The following CHST11 variants were observed in gnomAD, a reference collection of about 807,000 sequenced individuals.
CHST11 encodes carbohydrate sulfotransferase 11, also known as C4S-1.
A neutral mutation model predicts 30.4 loss-of-function variants in CHST11; 9 were observed. The observed-to-expected ratio is 0.30, with a 90% CI of 0.18 to 0.52. The LOEUF (loss-of-function observed/expected upper bound fraction) is 0.52. Among genes scored for constraint, CHST11 ranks in the 20% least tolerant of loss-of-function variants. The pLI, the probability that CHST11 is intolerant of heterozygous loss-of-function variation, is 0.97. For synonymous variants in CHST11, 152 were observed against 187.8 expected (o/e 0.81, Z 1.56); for missense variants, 348 against 460.6 (o/e 0.76, Z 2.24).
At chr12:104,528,469 TG>T (rs147501051) in intron 1 of CHST11, among the ~76,000 whole-genome samples, 92 of 152,316 alleles carry the variant, frequency 6.0e-4, no homozygotes, top group African/African-American at 2.0e-3. Context: ...ACTCTTCATT[TG>T]CAAACGTAGG....
intron 2 of CHST11, among the ~76,000 whole-genome samples, chr12:104,682,744 A>G (rs1242470775): frequency 6.6e-6 from 1 of 152,250 alleles, no homozygotes; most frequent in Non-Finnish European, 1.5e-5. Flanking sequence ...CTGTGAAGCC[A>G]CCTCATTGGG....
intron 2 of CHST11, among the ~76,000 whole-genome samples, chr12:104,730,120 G>A (rs567752026): frequency 1.8e-4 from 27 of 152,324 alleles, no homozygotes; most frequent in Admixed American, 1.2e-3. Context: ...TGTACTCACT[G>A]GTTTGCTTCC....
At chr12:104,717,961 A>G (rs1408129934) in intron 2 of CHST11, among the ~76,000 whole-genome samples, 1 of 152,182 alleles carries the variant, frequency 6.6e-6, no homozygotes, top group Non-Finnish European at 1.5e-5. Flanking sequence ...AAATAAATTA[A>G]TTAATTAAAT....
intron 1 of CHST11, among the ~76,000 whole-genome samples, chr12:104,593,465 C>T (rs2038879557): frequency 6.6e-6 from 1 of 152,218 alleles, no homozygotes; most frequent in South Asian, 2.1e-4. Context: ...TTTCACCTCA[C>T]TGTTTCGAGG....
chr12:104,652,349 G>A (rs891739171), intron 2 of CHST11, among the ~76,000 whole-genome samples: 9 of 152,230 alleles, frequency 5.9e-5, no homozygotes, highest in African/African-American at 1.9e-4. Flanking sequence ...TCCCCGATGA[G>A]TTGAGCCCGT....
At position 104,646,040 on chromosome 12, in the gene CHST11, G is replaced by T. The variant is rs138822429; in HGVS notation, c.204+44049G>T. On this transcript the variant is annotated intron_variant, in intron 2 of 2. Transcript: ENST00000303694. Reference sequence around the variant, plus strand: ...CTCCCCTGATTTCTTTCTGAGTCCCGCATGCAGGATGCTGCCGGCTCAGCC... The same window carrying T: ...CTCCCCTGATTTCTTTCTGAGTCCCTCATGCAGGATGCTGCCGGCTCAGCC... Among the ~76,000 whole-genome samples, 316 of 152,292 alleles carry T rather than the reference G, an allele frequency of 2.1e-3. 2 individuals are homozygous for T. Among genetic ancestry groups the T allele is most frequent in the African/African-American group, 7.2e-3 (301 of 41,558 alleles).
intron 2 of CHST11, among the ~76,000 whole-genome samples, chr12:104,694,412 C>T (rs776570566): frequency 7.9e-5 from 12 of 152,176 alleles, no homozygotes; most frequent in African/African-American, 1.7e-4. Flanking sequence ...CTGCACTGGG[C>T]GCTGCACCAG....
chr12:104,750,709 G>T (rs2040424075), intron 2 of CHST11, among the ~76,000 whole-genome samples: 1 of 151,840 alleles, frequency 6.6e-6, no homozygotes, highest in African/African-American at 2.4e-5. Context: ...CTCCCTAAAT[G>T]TTGGGATTAC....
chr12:104,523,005 C>T (rs933831012), intron 1 of CHST11, among the ~76,000 whole-genome samples: 3 of 152,052 alleles, frequency 2.0e-5, no homozygotes, highest in Admixed American at 1.3e-4. Flanking sequence ...GAAAGGGGGA[C>T]AATTTAAAAA....
intron 2 of CHST11, among the ~76,000 whole-genome samples, chr12:104,669,752 C>G (rs2039673544): frequency 6.6e-6 from 1 of 152,204 alleles, no homozygotes; most frequent in Admixed American, 6.5e-5. Context: ...AGTTTTTCAT[C>G]TGTTAAATGG....
At chr12:104,678,978 C>T (rs867771911) in intron 2 of CHST11, among the ~76,000 whole-genome samples, 3 of 152,092 alleles carry the variant, frequency 2.0e-5, no homozygotes, top group South Asian at 2.1e-4. Context: ...ACAGTCTCGC[C>T]GCTATTTTTA....
At chr12:104,617,093 A>G (rs2039115076) in intron 2 of CHST11, among the ~76,000 whole-genome samples, 1 of 152,188 alleles carries the variant, frequency 6.6e-6, no homozygotes, top group South Asian at 2.1e-4. Context: ...GATGCAGTAA[A>G]TACTCATAAT....
intron 1 of CHST11, among the ~76,000 whole-genome samples, chr12:104,555,173 G>GCCACAT (rs2038443461): frequency 6.6e-6 from 1 of 152,204 alleles, no homozygotes; most frequent in Non-Finnish European, 1.5e-5. Flanking sequence ...CAGGGAGGCA[G>GCCACAT]GTAGCAGTCG....
chr12:104,596,040 A>G (rs10778341), intron 1 of CHST11, among the ~76,000 whole-genome samples: 43,045 of 152,080 alleles, frequency 0.28, 6,242 homozygotes, highest in African/African-American at 0.34. Context: ...GAGGATGAGG[A>G]AGAGCTGGGA....
chr12:104,544,747 T>G (rs1379388020), intron 1 of CHST11, among the ~76,000 whole-genome samples: 1 of 78,536 alleles, frequency 1.3e-5, no homozygotes, highest in South Asian at 6.9e-4. Flanking sequence ...GAGCAGTCAA[T>G]GATGTGCCCT....
chr12:104,460,184 G>A (rs576180998), intron 1 of CHST11, among the ~76,000 whole-genome samples: 1 of 152,296 alleles, frequency 6.6e-6, no homozygotes, highest in Non-Finnish European at 1.5e-5. Flanking sequence ...TGCAGTTTCT[G>A]TCTCTCCAGA....
intron 2 of CHST11, among the ~76,000 whole-genome samples, chr12:104,621,301 G>T (rs1212971005): frequency 6.6e-6 from 1 of 152,190 alleles, no homozygotes; most frequent in Admixed American, 6.5e-5. Flanking sequence ...ACCCAGTCAA[G>T]GCGATGGGCT....
intron 1 of CHST11, among the ~76,000 whole-genome samples, chr12:104,526,833 A>G (rs2038131285): frequency 6.6e-6 from 1 of 152,218 alleles, no homozygotes; most frequent in South Asian, 2.1e-4. Flanking sequence ...TCCTCCCCAC[A>G]GGGGATGGCA....
rs531358300 is a variant in CHST11, at chr12:104,668,716, T to C, written c.204+66725T>C. 1.4e-3 allele frequency among the ~76,000 whole-genome samples: 217 copies of C among 152,210 alleles called. 1 individual carries two copies. Among genetic ancestry groups the C allele is most frequent in the Non-Finnish European group, 2.5e-3 (173 of 67,998 alleles). ...GTCTGTCCGATGGCAGCAACCCCCA[T>C]AGATGTATGGGTCATGGCGGAAGAG... On this transcript the variant is annotated intron_variant, in intron 2 of 2. Coordinates refer to ENST00000303694, the MANE Select transcript of CHST11 (RefSeq NM_018413.6).
Sources: gnomAD v4.1 joint callset for allele counts (sites outside exome capture counted in the v4.1 genomes callset) on GRCh38, gnomAD v4.1.1 for gene constraint, MANE v1.5 for transcripts, NCBI Gene and HGNC (gene_info 2026-07-23, HGNC 2026-07-21) for gene names.